Variants in MAGI2 observed in about 807,000 individuals in gnomAD.
The protein encoded by MAGI2 is membrane associated guanylate kinase, WW and PDZ domain containing 2, also known as membrane-associated guanylate kinase, WW and PDZ domain-containing protein 2.
Under a neutral mutation model 133.3 loss-of-function variants are expected in MAGI2, and 35 were observed. The observed-to-expected ratio is 0.26, with a 90% CI of 0.20 to 0.35. The LOEUF (loss-of-function observed/expected upper bound fraction) is 0.35. Ranked by LOEUF, MAGI2 falls within the 10% of genes least tolerant of loss-of-function variation. The probability of loss-of-function intolerance (pLI) is 1.00; values close to 1 mark genes in which losing one functional copy is unlikely to be tolerated. For missense variants in MAGI2, 1,636 were observed against 1,863.4 expected, an observed-to-expected ratio of 0.88 and a Z score of 2.25; for synonymous variants, 729 against 710.6, an observed-to-expected ratio of 1.03 and a Z score of -0.41.
chr7:78,231,177 C>G (rs1266986238), intron 10 of MAGI2, among the ~76,000 whole-genome samples: 3 of 152,194 alleles, frequency 2.0e-5, no homozygotes, highest in Non-Finnish European at 2.9e-5. Flanking sequence ...GAGGACCACA[C>G]CTTAAGGAGC....
intron 9 of MAGI2, among the ~76,000 whole-genome samples, chr7:78,276,738 T>C (rs1434985642): frequency 6.6e-6 from 1 of 152,186 alleles, no homozygotes; most frequent in Admixed American, 6.5e-5. Flanking sequence ...TTCAGTATCT[T>C]ACAAGCTAAA....
intron 1 of MAGI2, among the ~76,000 whole-genome samples, chr7:79,235,479 C>T (rs528412661): frequency 6.8e-4 from 104 of 152,292 alleles, no homozygotes; most frequent in Non-Finnish European, 9.8e-4. Context: ...AAGCCAGGTG[C>T]GGGATATAAT....
At chr7:79,227,543 C>T (rs1830963551) in intron 1 of MAGI2, among the ~76,000 whole-genome samples, 1 of 152,032 alleles carries the variant, frequency 6.6e-6, no homozygotes, top group Non-Finnish European at 1.5e-5. Flanking sequence ...TATCCTTATC[C>T]TTATCTTCAC....
At chr7:78,166,599 A>G (rs1825643864) in intron 15 of MAGI2, among the ~76,000 whole-genome samples, 1 of 152,200 alleles carries the variant, frequency 6.6e-6, no homozygotes, top group African/African-American at 2.4e-5. Flanking sequence ...GCCCTTTTAA[A>G]TGACCGCCCT....
chr7:78,970,446 A>G (rs1318030503), intron 2 of MAGI2, among the ~76,000 whole-genome samples: 1 of 152,082 alleles, frequency 6.6e-6, no homozygotes, highest in Non-Finnish European at 1.5e-5. Context: ...TTTGAATTAA[A>G]ATAACTTGAG....
At chr7:79,180,634 C>T (rs2215584) in intron 1 of MAGI2, among the ~76,000 whole-genome samples, 104,914 of 151,710 alleles carry the variant, frequency 0.69, 39,403 homozygotes, top group Non-Finnish European at 0.84. Flanking sequence ...TCTGCCCCAG[C>T]GCCTCCCAAA....
chr7:78,689,272 A>C (rs1422773004), intron 2 of MAGI2, among the ~76,000 whole-genome samples: 2 of 152,172 alleles, frequency 1.3e-5, no homozygotes, highest in African/African-American at 4.8e-5. Context: ...CCACAGTACA[A>C]CACCTAATAA....
At chr7:79,435,055 A>G (rs1848044610) in intron 1 of MAGI2, among the ~76,000 whole-genome samples, 1 of 152,200 alleles carries the variant, frequency 6.6e-6, no homozygotes, top group African/African-American at 2.4e-5. Flanking sequence ...GGACTGGAAC[A>G]TAACATCAGT....
chr7:78,914,855 A>G lies in MAGI2; in HGVS notation c.418+92235T>C, dbSNP rs149891615. Among the ~76,000 whole-genome samples the G allele has an allele frequency of 2.6e-5, 4 of 152,242 alleles. No individual in the cohort carries two copies. In the East Asian group the frequency reaches 7.7e-4, roughly 29 times the overall value. ...AGGGGCCATATTTTTCATTAACTTG[A>G]CAATGTCAAAGAGACGGCTCAGTTT... On this transcript the variant is annotated intron_variant, in intron 2 of 21. Transcript: ENST00000354212.
chr7:79,210,481 G>C (rs998624222), intron 1 of MAGI2, among the ~76,000 whole-genome samples: 7 of 151,988 alleles, frequency 4.6e-5, no homozygotes, highest in African/African-American at 1.7e-4. Flanking sequence ...GTGATTTTAT[G>C]TTAAGGCCCA....
At chr7:78,587,848 C>T (rs958434102) in intron 3 of MAGI2, among the ~76,000 whole-genome samples, 1 of 152,136 alleles carries the variant, frequency 6.6e-6, no homozygotes, top group Non-Finnish European at 1.5e-5. Flanking sequence ...AATTTATAAT[C>T]GTATGTTCAT....
intron 6 of MAGI2, among the ~76,000 whole-genome samples, chr7:78,422,013 G>A (rs901624027): frequency 6.6e-6 from 1 of 152,124 alleles, no homozygotes; most frequent in Admixed American, 6.6e-5. Flanking sequence ...TATTTGAATG[G>A]GAAGAAATAT....
At chr7:78,321,289 C>T (rs755334192) in intron 9 of MAGI2, among the ~76,000 whole-genome samples, 1 of 151,974 alleles carries the variant, frequency 6.6e-6, no homozygotes, top group Non-Finnish European at 1.5e-5. Context: ...CATATGGAAC[C>T]AAAAAAGAGC....
intron 9 of MAGI2, among the ~76,000 whole-genome samples, chr7:78,276,954 C>T (rs986751379): frequency 2.6e-5 from 4 of 152,060 alleles, no homozygotes; most frequent in Non-Finnish European, 5.9e-5. Flanking sequence ...GCATTCACTT[C>T]CAGACTTCTT....
At chr7:78,608,927 T>G (rs2150904353) in intron 3 of MAGI2, among the ~76,000 whole-genome samples, 1 of 152,302 alleles carries the variant, frequency 6.6e-6, no homozygotes, top group East Asian at 1.9e-4. Context: ...AAGCATTAAC[T>G]TACATGATCA....
chr7:78,075,740 T>C (rs1815219540), intron 21 of MAGI2, among the ~76,000 whole-genome samples: 1 of 152,114 alleles, frequency 6.6e-6, no homozygotes, highest in African/African-American at 2.4e-5. Context: ...CTAGAAAATC[T>C]CTAAATGTGA....
chr7:78,212,177 A>G (rs755802998), intron 10 of MAGI2, among the ~76,000 whole-genome samples: 8 of 152,188 alleles, frequency 5.3e-5, no homozygotes, highest in Non-Finnish European at 8.8e-5. Context: ...TCCTCTCTTA[A>G]TGTATCTCCT....
At chr7:78,917,474 G>A (rs1001423843) in intron 2 of MAGI2, among the ~76,000 whole-genome samples, 1 of 152,092 alleles carries the variant, frequency 6.6e-6, no homozygotes, top group African/African-American at 2.4e-5. Flanking sequence ...TAGATGTGGT[G>A]GAGAAGAAAT....
intron 2 of MAGI2, among the ~76,000 whole-genome samples, chr7:78,906,874 A>G (rs1798030912): frequency 6.6e-6 from 1 of 152,170 alleles, no homozygotes; most frequent in South Asian, 2.1e-4. Flanking sequence ...ATATATGTAT[A>G]TTTAAAAGTA....
Sources: gnomAD v4.1 joint callset for allele counts (sites outside exome capture counted in the v4.1 genomes callset) on GRCh38, gnomAD v4.1.1 for gene constraint, MANE v1.5 for transcripts, NCBI Gene and HGNC (gene_info 2026-07-23, HGNC 2026-07-21) for gene names.